The following FAM200B variants were observed in gnomAD, a reference collection of about 807,000 sequenced individuals.
FAM200B encodes the protein protein FAM200B.
A neutral mutation model predicts 33.1 loss-of-function variants in FAM200B; 32 were observed. The ratio of observed to expected loss-of-function variants is 0.97; its 90% CI spans 0.73 to 1.30. The LOEUF (loss-of-function observed/expected upper bound fraction) is 1.30. FAM200B is among the 50% of genes most tolerant of loss of function. The pLI, the probability that FAM200B is intolerant of heterozygous loss-of-function variation, is 0.00. For missense variants in FAM200B, 741 were observed against 754.0 expected, an observed-to-expected ratio of 0.98 and a Z score of 0.20; for synonymous variants, 240 against 264.8, an observed-to-expected ratio of 0.91 and a Z score of 0.91.
the FAM200B span, among the ~76,000 whole-genome samples, chr4:15,648,459 T>C: frequency 6.6e-6 from 1 of 152,168 alleles, no homozygotes; most frequent in Non-Finnish European, 1.5e-5. Flanking sequence ...TTATTCATAA[T>C]AGCCAAGATA....
chr4:15,683,975 C>T (rs1300234182), intron 1 of FAM200B, among the ~76,000 whole-genome samples: 1 of 152,186 alleles, frequency 6.6e-6, no homozygotes, highest in African/African-American at 2.4e-5. Context: ...AAAACCATAT[C>T]ATATAACCGT....
chr4:15,684,468 A>G (rs752087087), intron 1 of FAM200B, among the ~76,000 whole-genome samples: 1 of 152,206 alleles, frequency 6.6e-6, no homozygotes, highest in African/African-American at 2.4e-5. Context: ...TTCTTGAGCT[A>G]TATATGATAA....
chr4:15,651,305 GA>G, the FAM200B span, among the ~76,000 whole-genome samples: 1 of 151,932 alleles, frequency 6.6e-6, no homozygotes, highest in Non-Finnish European at 1.5e-5. Flanking sequence ...TTCCGAAGGG[GA>G]AAAAAAATCC....
the FAM200B span, among the ~76,000 whole-genome samples, chr4:15,655,716 G>C: frequency 6.6e-6 from 1 of 152,230 alleles, no homozygotes; most frequent in South Asian, 2.1e-4. Flanking sequence ...GCCGCGGTCA[G>C]GGCCGCGAGC....
In FAM200B at chr4:15,687,851, A is replaced by G. The variant is rs745596046; in HGVS notation, c.874A>G (p.Lys292Glu). 914 of 1,551,326 alleles carry G rather than the reference A, an allele frequency of 5.9e-4. No homozygotes were observed. Among genetic ancestry groups the G allele is most frequent in the Non-Finnish European group, 7.5e-4 (861 of 1,146,764 alleles). ...ATATAAATTAAACTGGAAAAACTGT[A>G]AAGGAATTACAAGTGATGGCACAGC... ...GQYKLNWKNC[K>E]GITSDGTATM... is the part of the protein sequence containing the mutation. Residue 292 changes from lysine to glutamate, a missense_variant, in exon 2 of 2, where the codon AAA becomes GAA. Transcript: ENST00000422728.
At chr4:15,681,154 A>C (rs1231797404), upstream of FAM200B, 1 of 152,144 alleles carries the variant, frequency 6.6e-6, no homozygotes, top group Non-Finnish European at 1.5e-5. Flanking sequence ...TGATCTGCTA[A>C]CCTAAAGAGT....
At chr4:15,667,782 C>A in the FAM200B span, among the ~76,000 whole-genome samples, 3 of 152,272 alleles carry the variant, frequency 2.0e-5, no homozygotes, top group South Asian at 4.1e-4. Context: ...TTTATCACGC[C>A]TGTAATCCCA....
chr4:15,687,487 T>C lies in FAM200B; in HGVS notation c.510T>C (p.Ile170=). The change falls in exon 2 of 2, where the codon ATT becomes ATC. Residue 170 remains isoleucine, a synonymous_variant. Coordinates refer to ENST00000422728, the MANE Select transcript of FAM200B (RefSeq NM_001145191.2). ...TAGCTAACACAGCTGCTGAAAAAATTATTCTTCCAGCATGTTTGGATATGG... is the reference window on the plus strand; with the variant it reads ...TAGCTAACACAGCTGCTGAAAAAATCATTCTTCCAGCATGTTTGGATATGG... ...EKIANTAAEK[I]ILPACLDMVR... The C allele has an allele frequency of 1.3e-6, 2 of 1,551,138 alleles. No homozygotes were observed. Among genetic ancestry groups the C allele is most frequent in the Non-Finnish European group, 1.7e-6 (2 of 1,146,762 alleles).
In FAM200B at chr4:15,683,066, T is replaced by C. The variant is rs917461522; in HGVS notation, c.-743+1165T>C. ...TGATACAGCGCACTAGAGATATATCTTAGGATATAAAAGATTAGTGACGGG... is the reference window on the plus strand; with the variant it reads ...TGATACAGCGCACTAGAGATATATCCTAGGATATAAAAGATTAGTGACGGG... On this transcript the variant is annotated intron_variant, in intron 1 of 1. Transcript: ENST00000422728. 6.6e-5 allele frequency among the ~76,000 whole-genome samples: 10 copies of C among 152,312 alleles called. 1 individual carries two copies. Among genetic ancestry groups the C allele is most frequent in the Admixed American group, 5.2e-4 (8 of 15,302 alleles).
At chr4:15,644,250 C>T in the FAM200B span, among the ~76,000 whole-genome samples, 1 of 152,224 alleles carries the variant, frequency 6.6e-6, no homozygotes, top group Non-Finnish European at 1.5e-5. Context: ...CACTTTGCCC[C>T]TTGGATATAA....
At chr4:15,672,683 C>T in the FAM200B span, among the ~76,000 whole-genome samples, 1 of 152,136 alleles carries the variant, frequency 6.6e-6, no homozygotes, top group East Asian at 1.9e-4. Flanking sequence ...AGGCCTAGGA[C>T]ATTATTATAA....
chr4:15,680,410 C>CTGTGG (rs1718182409), upstream of FAM200B, among the ~76,000 whole-genome samples: 1 of 152,166 alleles, frequency 6.6e-6, no homozygotes, highest in Non-Finnish European at 1.5e-5. Flanking sequence ...GTGGCTCACC[C>CTGTGG]CTGTAATCCC....
upstream of FAM200B, chr4:15,681,507 C>T (rs1192232726): frequency 1.9e-5 from 3 of 160,788 alleles, no homozygotes. Context: ...CGCTCGGCTA[C>T]ATCCGGCCCG....
the FAM200B span, among the ~76,000 whole-genome samples, chr4:15,655,620 G>GA: frequency 6.6e-6 from 1 of 152,210 alleles, no homozygotes; most frequent in African/African-American, 2.4e-5. Context: ...GAGGGTAGGG[G>GA]AAAGTCGTTG....
chr4:15,640,937 G>T, the FAM200B span: 3 of 976,760 alleles, frequency 3.1e-6, no homozygotes, highest in Non-Finnish European at 4.5e-6. Flanking sequence ...CATTAATTAT[G>T]TCTGGTCCCA....
the FAM200B span, among the ~76,000 whole-genome samples, chr4:15,674,307 G>A: frequency 6.6e-6 from 1 of 151,052 alleles, no homozygotes; most frequent in Non-Finnish European, 1.5e-5. Flanking sequence ...ATGTAGTACC[G>A]CTATTGGTAC....
the FAM200B span, among the ~76,000 whole-genome samples, chr4:15,670,006 A>G: frequency 6.6e-6 from 1 of 152,238 alleles, no homozygotes; most frequent in Non-Finnish European, 1.5e-5. Context: ...AAAGAAATAA[A>G]ATTAGAGCTA....
the FAM200B span, among the ~76,000 whole-genome samples, chr4:15,674,018 A>G: frequency 2.0e-5 from 3 of 152,188 alleles, no homozygotes; most frequent in Non-Finnish European, 4.4e-5. Context: ...TCTGGCCTGT[A>G]TCAAACTTTT....
the FAM200B span, among the ~76,000 whole-genome samples, chr4:15,653,754 C>T: frequency 1.3e-5 from 2 of 152,174 alleles, no homozygotes; most frequent in African/African-American, 2.4e-5. Flanking sequence ...CAGGGATATA[C>T]CCTCTTGCTT....
Sources: allele counts gnomAD v4.1 joint callset (sites outside exome capture counted in the v4.1 genomes callset), GRCh38; gene constraint gnomAD v4.1.1; transcripts MANE v1.5; gene names NCBI Gene and HGNC (gene_info 2026-07-23, HGNC 2026-07-21).